ART1: variants seen among roughly 807,000 people sequenced by gnomAD.
ART1 encodes the protein ADP-ribosyltransferase 1, also known as GPI-linked NAD(P)(+)--arginine ADP-ribosyltransferase 1.
In ART1, 29 loss-of-function variants were observed where a neutral mutation model predicts 27.0. The observed-to-expected ratio is 1.08, with a 90% CI of 0.80 to 1.47. The LOEUF (loss-of-function observed/expected upper bound fraction) is 1.47. ART1 is among the 40% of genes most tolerant of loss of function. The pLI is 0.00. For missense variants in ART1, 480 were observed against 423.0 expected, an observed-to-expected ratio of 1.13 and a Z score of -1.18; for synonymous variants, 201 against 172.2, an observed-to-expected ratio of 1.17 and a Z score of -1.31.
Position 3,656,740 on chromosome 11 carries a change from C to T in ART1, c.-52-2422C>T, listed in dbSNP as rs765999546. Among the ~76,000 whole-genome samples the T allele has an allele frequency of 6.3e-4, 96 of 152,144 alleles. 1 individual carries two copies. Among genetic ancestry groups the T allele is most frequent in the Non-Finnish European group, 1.2e-3 (83 of 68,038 alleles). On this transcript the variant is annotated intron_variant, in intron 1 of 4. Coordinates refer to ENST00000250693, the MANE Select transcript of ART1 (RefSeq NM_004314.3). Reference sequence around the variant, plus strand: ...CTCCTGGGCTCAAGTAATCCTCCCGCCTCAGTCTCCCAAAGTGCTGGGATT... The same window carrying T: ...CTCCTGGGCTCAAGTAATCCTCCCGTCTCAGTCTCCCAAAGTGCTGGGATT...
At chr11:3,648,199 C>T (rs1457459209) in intron 1 of ART1, among the ~76,000 whole-genome samples, 1 of 152,178 alleles carries the variant, frequency 6.6e-6, no homozygotes, top group Non-Finnish European at 1.5e-5. Flanking sequence ...CCCTTATCTC[C>T]CTTCGCTGAC....
intron 1 of ART1, among the ~76,000 whole-genome samples, chr11:3,649,864 C>T (rs1488501969): frequency 1.3e-5 from 2 of 152,126 alleles, no homozygotes; most frequent in African/African-American, 2.4e-5. Flanking sequence ...ATGGCTCGTT[C>T]GGCAGCAACC....
chr11:3,652,964 A>G (rs1221729758), intron 1 of ART1, among the ~76,000 whole-genome samples: 1 of 148,352 alleles, frequency 6.7e-6, no homozygotes, highest in Non-Finnish European at 1.5e-5. Context: ...TAGTTTTTCA[A>G]TTCATACAAA....
intron 1 of ART1, among the ~76,000 whole-genome samples, chr11:3,657,282 A>G (rs2077582530): frequency 6.6e-6 from 1 of 152,146 alleles, no homozygotes; most frequent in Non-Finnish European, 1.5e-5. Context: ...TGTGTACAGA[A>G]AGAAAACAGA....
At chr11:3,651,566 C>G (rs1190474258) in intron 1 of ART1, among the ~76,000 whole-genome samples, 4 of 150,590 alleles carry the variant, frequency 2.7e-5, no homozygotes, top group Admixed American at 2.0e-4. Context: ...TTAGCCTAGC[C>G]CTCATGTCTG....
intron 2 of ART1, 140 bp from the exon 3 acceptor site, chr11:3,659,443 C>A: frequency 7.4e-7 from 1 of 1,346,408 alleles, no homozygotes; most frequent in East Asian, 2.4e-5. Context: ...AAATTACAGC[C>A]AGAGGTTCCC....
intron 1 of ART1, among the ~76,000 whole-genome samples, chr11:3,647,880 ACT>A (rs1410382956): frequency 2.6e-5 from 4 of 151,802 alleles, no homozygotes; most frequent in South Asian, 2.1e-4. Flanking sequence ...GGAGCAGGAC[ACT>A]CTGCAGTCAT....
At position 3,659,281 on chromosome 11, in the gene ART1, G is replaced by A. The variant is rs1232132918; in HGVS notation, c.63+5G>A. On this transcript the variant is annotated splice_donor_5th_base_variant and intron_variant, in intron 2 of 4. Transcript: ENST00000250693. ...GGCCTCATGGAAGCACTTCAGGTATGGGCATCCCCCACTGTTCCCACCCCA... is the reference window on the plus strand; with the variant it reads ...GGCCTCATGGAAGCACTTCAGGTATAGGCATCCCCCACTGTTCCCACCCCA... The A allele has an allele frequency of 1.9e-5, 30 of 1,613,994 alleles. No individual in the cohort carries two copies. Among genetic ancestry groups the A allele is most frequent in the Non-Finnish European group, 2.5e-5 (29 of 1,180,032 alleles).
chr11:3,648,335 A>T (rs112942573), intron 1 of ART1, among the ~76,000 whole-genome samples: 5,223 of 151,880 alleles, frequency 0.034, 117 homozygotes, highest in Non-Finnish European at 0.05. Flanking sequence ...AGATCGGGGG[A>T]CCTCCCTTAG....
At chr11:3,651,091 C>A (rs1304780428) in intron 1 of ART1, among the ~76,000 whole-genome samples, 9 of 152,126 alleles carry the variant, frequency 5.9e-5, no homozygotes, top group African/African-American at 1.7e-4. Flanking sequence ...GCCTTATCAA[C>A]CAAATTGTTT....
rs1554883234 is a variant in ART1 at position 3,663,144 on chromosome 11, C to CTCATCTCA, written c.887-948_887-947insTCATCTCA. ...CTCATCTCATCTCATCTCATCTCAT[C>CTCATCTCA]ATCATCTCATCTCATCTTTACTGCA... On this transcript the variant is annotated intron_variant, in intron 4 of 4. Coordinates refer to ENST00000250693, the MANE Select transcript of ART1 (RefSeq NM_004314.3). 2.7e-4 allele frequency among the ~76,000 whole-genome samples: 34 copies of CTCATCTCA among 126,160 alleles called. 1 individual carries two copies. Among genetic ancestry groups the CTCATCTCA allele is most frequent in the African/African-American group, 4.7e-4 (17 of 36,234 alleles). The allele number at this position is 126,160 out of a possible 152,430, so 82.8% of individuals were successfully genotyped here.
At chr11:3,649,659 C>A (rs1440748514) in intron 1 of ART1, among the ~76,000 whole-genome samples, 2 of 152,216 alleles carry the variant, frequency 1.3e-5, no homozygotes, top group South Asian at 4.1e-4. Context: ...TTATCACCTC[C>A]CCTCCTCACA....
intron 1 of ART1, among the ~76,000 whole-genome samples, chr11:3,652,306 G>A (rs2077530045): frequency 2.7e-5 from 4 of 150,882 alleles, no homozygotes; most frequent in Admixed American, 6.6e-5. Context: ...TAATTCCTCA[G>A]TTTAGCCTTC....
At chr11:3,662,843 T>TCAAAA (rs2077629713) in intron 4 of ART1, among the ~76,000 whole-genome samples, 2 of 151,986 alleles carry the variant, frequency 1.3e-5, no homozygotes, top group African/African-American at 2.4e-5. Flanking sequence ...AAACTCTGTC[T>TCAAAA]CAAAACAAAA....
rs1299567604 is a variant in ART1, at chr11:3,645,582, A to C, written c.-53+403A>C. Among the ~76,000 whole-genome samples the C allele has an allele frequency of 3.9e-5, 6 of 152,074 alleles. No homozygotes were observed. The South Asian group carries it at 8.3e-4, about 21-fold the overall frequency. Reference sequence around the variant, plus strand: ...CACTGGTCACCAAGGCCAGCCACCCACCTGCTCTGCAGTGGTCTACACTGT... The same window carrying C: ...CACTGGTCACCAAGGCCAGCCACCCCCCTGCTCTGCAGTGGTCTACACTGT... On this transcript the variant is annotated intron_variant, in intron 1 of 4. Coordinates refer to ENST00000250693, the MANE Select transcript of ART1 (RefSeq NM_004314.3).
At chr11:3,661,897 A>G (rs953677245) in intron 4 of ART1, among the ~76,000 whole-genome samples, 3 of 152,306 alleles carry the variant, frequency 2.0e-5, no homozygotes, top group Middle Eastern at 3.4e-3. Flanking sequence ...CCAGGAGATG[A>G]GTGTGTGGGA....
chr11:3,652,461 T>TAA (rs2077531807), intron 1 of ART1, among the ~76,000 whole-genome samples: 1 of 151,722 alleles, frequency 6.6e-6, no homozygotes, highest in African/African-American at 2.4e-5. Context: ...AAAGGTCTTT[T>TAA]AAAAACACAC....
intron 4 of ART1, among the ~76,000 whole-genome samples, chr11:3,663,210 C>A (rs1026289308): frequency 1.3e-5 from 2 of 152,118 alleles, no homozygotes; most frequent in South Asian, 2.1e-4. Context: ...AGGCATTACC[C>A]CCCTTATATG....
At chr11:3,650,084 T>G (rs1436703963) in intron 1 of ART1, among the ~76,000 whole-genome samples, 1 of 152,140 alleles carries the variant, frequency 6.6e-6, no homozygotes, top group Non-Finnish European at 1.5e-5. Context: ...TATTTCTGAG[T>G]TGCAACTACT....
Sources: gnomAD v4.1 joint callset for allele counts (sites outside exome capture counted in the v4.1 genomes callset) on GRCh38, gnomAD v4.1.1 for gene constraint, MANE v1.5 for transcripts, NCBI Gene and HGNC (gene_info 2026-07-23, HGNC 2026-07-21) for gene names.